The following PPA1 variants were observed in gnomAD, a reference collection of about 807,000 sequenced individuals.
PPA1 encodes inorganic pyrophosphatase 1, also known as inorganic pyrophosphatase.
PPA1 carries 23 observed loss-of-function variants against 41.8 expected under a neutral mutation model. The ratio of observed to expected loss-of-function variants is 0.55; its 90% CI spans 0.40 to 0.78. PPA1 has a LOEUF of 0.78. Among genes scored for constraint, PPA1 ranks in the 30% least tolerant of loss-of-function variants. PPA1 has a pLI of 0.00. For missense variants in PPA1, 320 were observed against 361.6 expected, an observed-to-expected ratio of 0.89 and a Z score of 0.93; for synonymous variants, 101 against 116.8, an observed-to-expected ratio of 0.86 and a Z score of 0.87.
At position 70,217,840 on chromosome 10, in the gene PPA1, T is replaced by C. The variant is rs1319516633; in HGVS notation, c.269A>G (p.Tyr90Cys). ...AGGGATGGCACCATAGTTCCAGATA[T>C]ATCCTTTATACGGGAACAAATTCGC... ...YVANLFPYKG[Y>C]IWNYGAIPQT... Residue 90 changes from tyrosine (Y) to cysteine (C), a missense_variant, in exon 4 of 11, where the codon TAT becomes TGT. Coordinates refer to ENST00000373232, the MANE Select transcript of PPA1 (RefSeq NM_021129.4). 1 of 1,601,230 alleles carries C rather than the reference T, an allele frequency of 6.2e-7. No individual in the cohort carries two copies. Among genetic ancestry groups the C allele is most frequent in the Non-Finnish European group, 8.5e-7 (1 of 1,172,584 alleles).
intron 2 of PPA1, among the ~76,000 whole-genome samples, chr10:70,221,216 CA>C (rs1840165254): frequency 6.8e-6 from 1 of 147,130 alleles, no homozygotes; most frequent in Admixed American, 7.0e-5. Context: ...TACTTTCCAT[CA>C]AAAAACGGGA....
chr10:70,211,838 G>A (rs1377332024), intron 6 of PPA1, among the ~76,000 whole-genome samples: 3 of 152,188 alleles, frequency 2.0e-5, no homozygotes, highest in Non-Finnish European at 4.4e-5. Context: ...GAACAGAGCC[G>A]TACTACCAAG....
At chr10:70,217,190 G>A (rs1323462116) in intron 4 of PPA1, among the ~76,000 whole-genome samples, 1 of 151,368 alleles carries the variant, frequency 6.6e-6, no homozygotes, top group East Asian at 1.9e-4. Flanking sequence ...AAAAAAAAAA[G>A]GTTGACTACT....
chr10:70,230,236 C>T, intron 2 of PPA1, 105 bp downstream of exon 2: 1 of 1,334,536 alleles, frequency 7.5e-7, no homozygotes, highest in Non-Finnish European at 1.1e-6. Context: ...GCTCACAGCA[C>T]AACGAGGCAT....
At chr10:70,224,707 T>C (rs1394878370) in intron 2 of PPA1, among the ~76,000 whole-genome samples, 2 of 151,584 alleles carry the variant, frequency 1.3e-5, no homozygotes, top group Non-Finnish European at 2.9e-5. Context: ...TGTGTCTTTA[T>C]TGAGACTTAT....
At chr10:70,230,568 A>G (rs1344697370) in intron 1 of PPA1, among the ~76,000 whole-genome samples, 169 bp from the exon 2 acceptor site, 1 of 151,980 alleles carries the variant, frequency 6.6e-6, no homozygotes, top group East Asian at 1.9e-4. Flanking sequence ...TGAAGGCTCA[A>G]GTGATCCTCC....
At chr10:70,215,710 A>C (rs897696786) in intron 4 of PPA1, among the ~76,000 whole-genome samples, 3 of 150,326 alleles carry the variant, frequency 2.0e-5, no homozygotes, top group Non-Finnish European at 4.5e-5. Flanking sequence ...CGAACTCCTG[A>C]CCTCAGGTGA....
At chr10:70,216,202 T>A (rs540546471) in intron 4 of PPA1, among the ~76,000 whole-genome samples, 1 of 152,082 alleles carries the variant, frequency 6.6e-6, no homozygotes, top group Non-Finnish European at 1.5e-5. Flanking sequence ...AATAAATCAA[T>A]TGAGGCCGGG....
chr10:70,223,790 C>G (rs918173576), intron 2 of PPA1, among the ~76,000 whole-genome samples: 1 of 152,088 alleles, frequency 6.6e-6, no homozygotes, highest in African/African-American at 2.4e-5. Flanking sequence ...TTCGTACTAC[C>G]CAGTTACAAA....
chr10:70,216,883 TA>T (rs1303138134), intron 4 of PPA1, among the ~76,000 whole-genome samples: 4 of 152,112 alleles, frequency 2.6e-5, no homozygotes, highest in African/African-American at 9.7e-5. Context: ...AAAGGTTGAC[TA>T]TTAGGCCAGA....
At chr10:70,231,502 A>G (rs1840289337) in intron 1 of PPA1, among the ~76,000 whole-genome samples, 1 of 152,200 alleles carries the variant, frequency 6.6e-6, no homozygotes, top group African/African-American at 2.4e-5. Context: ...GGGAGGCTGA[A>G]GTTGCAATGA....
In PPA1 at chr10:70,230,376, A is replaced by AT. The variant is rs1346715692; in HGVS notation, c.87dup (p.Ser30IlefsTer5). ...TAAATTGGAATATCATGAAATGGAG[A>AT]TATATATTGTCCTTTCTCATTTTCT... On this transcript the variant is annotated frameshift_variant, in exon 2 of 11. Coordinates refer to ENST00000373232, the MANE Select transcript of PPA1 (RefSeq NM_021129.4). LOFTEE classifies it high-confidence loss of function. The AT allele has an allele frequency of 1.2e-6, 2 of 1,612,436 alleles. No homozygotes were observed. The highest frequency in any genetic ancestry group is 1.7e-6 in the Non-Finnish European group (2 of 1,179,296).
intron 2 of PPA1, among the ~76,000 whole-genome samples, chr10:70,219,365 A>G (rs745550569): frequency 2.0e-5 from 3 of 152,202 alleles, no homozygotes; most frequent in Non-Finnish European, 2.9e-5. Context: ...TCCAAAGGCC[A>G]GTGTTATTTC....
Position 70,214,487 on chromosome 10 carries a change from C to T in PPA1, c.384+13G>A, listed in dbSNP as rs1840056033. ...ATCTCAACACTAAAGAAAAAAATGT[C>T]ACATTTCATTACCTTGCTTCCAATT... is the stretch of plus-strand genomic sequence containing the variant. On this transcript the variant is annotated intron_variant, in intron 5 of 10. Transcript: ENST00000373232. 6.2e-7 allele frequency: 1 copy of T among 1,603,032 alleles called. No individual in the cohort carries two copies. The highest frequency in any genetic ancestry group is 8.5e-7 in the Non-Finnish European group (1 of 1,173,158).
intron 8 of PPA1, among the ~76,000 whole-genome samples, chr10:70,208,950 T>C (rs1202708912): frequency 6.6e-6 from 1 of 152,066 alleles, no homozygotes; most frequent in Non-Finnish European, 1.5e-5. Context: ...TGTACCACCA[T>C]GCCCAGCTAA....
chr10:70,211,276 A>C (rs7897538), intron 6 of PPA1, among the ~76,000 whole-genome samples: 127,107 of 152,118 alleles, frequency 0.84, 53,320 homozygotes, highest in East Asian at 1. Context: ...TTTTCCAATA[A>C]CAGAAACTAA....
intron 4 of PPA1, 55 bp from the exon 5 acceptor site, chr10:70,214,641 T>C (rs1840059128): frequency 7.9e-6 from 11 of 1,394,104 alleles, no homozygotes; most frequent in African/African-American, 1.4e-5. Flanking sequence ...AAATGGATCA[T>C]GTTGAGAATA....
chr10:70,220,656 TATTA>T (rs1564584119), intron 2 of PPA1, among the ~76,000 whole-genome samples: 99 of 3,708 alleles, frequency 0.027, 32 homozygotes, highest in Non-Finnish European at 0.034. Flanking sequence ...TTTATATATA[TATTA>T]TATATAATTT....
rs957404669 is a variant in PPA1 at position 70,208,138 on chromosome 10, C to T, written c.725+1067G>A. 6.6e-5 allele frequency among the ~76,000 whole-genome samples: 10 copies of T among 152,064 alleles called. No individual in the cohort carries two copies. The East Asian group carries it at 1.8e-3, about 27-fold the overall frequency. ...CCGGGAAGCGGAGGTTGCAATGAGC[C>T]GAGATCATGCCATTGCACTCCAGCC... On this transcript the variant is annotated intron_variant, in intron 8 of 10. Transcript: ENST00000373232.
Sources: gnomAD v4.1 joint callset for allele counts (sites outside exome capture counted in the v4.1 genomes callset) on GRCh38, gnomAD v4.1.1 for gene constraint, MANE v1.5 for transcripts, NCBI Gene and HGNC (gene_info 2026-07-23, HGNC 2026-07-21) for gene names.